Variants in TMEM14C observed in about 807,000 individuals in gnomAD.
TMEM14C encodes the protein transmembrane protein 14C.
A neutral mutation model predicts 14.8 loss-of-function variants in TMEM14C; 13 were observed. That is an observed-to-expected ratio of 0.88 (90% CI 0.57 to 1.40). TMEM14C has a LOEUF of 1.40. TMEM14C is among the 40% of genes most tolerant of loss of function. TMEM14C has a pLI of 0.00. For synonymous variants in TMEM14C, 57 were observed against 51.3 expected (o/e 1.11, Z -0.48); for missense variants, 142 against 138.8 (o/e 1.02, Z -0.12).
At chr6:10,727,304 G>T (rs908237408) in intron 4 of TMEM14C, among the ~76,000 whole-genome samples, 2 of 151,910 alleles carry the variant, frequency 1.3e-5, no homozygotes, top group African/African-American at 4.8e-5. Context: ...GTGGATCCCC[G>T]CATTGATATT....
intron 3 of TMEM14C, among the ~76,000 whole-genome samples, chr6:10,725,490 ATTC>A (rs1423615831): frequency 3.9e-5 from 6 of 151,920 alleles, no homozygotes; most frequent in Admixed American, 6.6e-5. Flanking sequence ...CTGCACCAGA[ATTC>A]TTCTTCTCCA....
chr6:10,725,183 G>C lies in TMEM14C; in HGVS notation c.97+146G>C. 3.2e-6 allele frequency: 3 copies of C among 946,080 alleles called. No homozygotes were observed. The South Asian group carries it at 4.4e-5, about 14-fold the overall frequency. 58.6% of individuals were successfully genotyped at this position (946,080 alleles called of 1,614,324 possible). ...GAGTGCAGGCTTCCTTGTCAGTCTTGCAGCTCCTGCCCTTGCCCTTTGGTT... is the reference window on the plus strand; with the variant it reads ...GAGTGCAGGCTTCCTTGTCAGTCTTCCAGCTCCTGCCCTTGCCCTTTGGTT... On this transcript the variant is annotated intron_variant, in intron 3 of 5. Transcript: ENST00000229563.
At chr6:10,730,550 C>T (rs1309151526) in intron 5 of TMEM14C, 65 bp from the exon 6 acceptor site, 3 of 1,538,874 alleles carry the variant, frequency 1.9e-6, no homozygotes, top group Non-Finnish European at 2.7e-6. Flanking sequence ...AGTTTAGTTC[C>T]TTAAAAACAT....
Position 10,724,845 on chromosome 6 carries a change from CCTT to C in TMEM14C, c.21-115_21-113del. 2.9e-6 allele frequency: 4 copies of C among 1,399,826 alleles called. No homozygotes were observed. In the South Asian group the frequency reaches 4.7e-5, roughly 16 times the overall value. The allele number at this position is 1,399,826 out of a possible 1,614,324, so 86.7% of individuals were successfully genotyped here. On this transcript the variant is annotated intron_variant, in intron 2 of 5. Transcript: ENST00000229563. ...CAGAAAGTCATCCAACCTCTGTGGT[CCTT>C]ATTTTCAGTGATAGGACCTGTGGGG... is the stretch of plus-strand genomic sequence containing the variant.
chr6:10,728,982 A>G (rs1326712994), intron 5 of TMEM14C: 6 of 758,922 alleles, frequency 7.9e-6, no homozygotes, highest in Non-Finnish European at 1.2e-5. Flanking sequence ...TCCTCCCTAT[A>G]TGGTGGCAGA....
intron 4 of TMEM14C, among the ~76,000 whole-genome samples, chr6:10,727,620 G>T (rs538724559): frequency 0.03 from 4,635 of 152,098 alleles, 260 homozygotes; most frequent in African/African-American, 0.11. Context: ...TCAGGAGTTT[G>T]AGACCACCGT....
intron 5 of TMEM14C, among the ~76,000 whole-genome samples, chr6:10,729,955 G>T (rs1410689055): frequency 6.6e-6 from 1 of 151,990 alleles, no homozygotes; most frequent in Admixed American, 6.6e-5. Flanking sequence ...AAAATTAGCC[G>T]GGCATGGTGG....
At chr6:10,724,455 G>A (rs775076366) in intron 1 of TMEM14C, 115 bp from the exon 2 acceptor site, 12 of 683,016 alleles carry the variant, frequency 1.8e-5, no homozygotes, top group Non-Finnish European at 2.9e-5. Context: ...TATCCTCATG[G>A]TACAGTGAAG....
At chr6:10,725,233 C>G (rs1770822707) in intron 3 of TMEM14C, among the ~76,000 whole-genome samples, 196 bp downstream of exon 3, 1 of 152,134 alleles carries the variant, frequency 6.6e-6, no homozygotes, top group South Asian at 2.1e-4. Context: ...AGCCAGGCCT[C>G]TTTTGGAATT....
At chr6:10,730,537 A>T (rs541720189) in intron 5 of TMEM14C, 78 bp from the exon 6 acceptor site, 1 of 1,417,602 alleles carries the variant, frequency 7.1e-7, no homozygotes, top group Admixed American at 1.8e-5. Flanking sequence ...GTGAGGAACC[A>T]GCAGTTTAGT....
intron 4 of TMEM14C, among the ~76,000 whole-genome samples, chr6:10,727,284 C>T (rs1770891046): frequency 1.3e-5 from 2 of 152,084 alleles, no homozygotes; most frequent in South Asian, 2.1e-4. Context: ...ATTTGTATTC[C>T]TCCTTTTAGG....
intron 4 of TMEM14C, among the ~76,000 whole-genome samples, chr6:10,727,497 C>G (rs976287396): frequency 6.6e-6 from 1 of 151,904 alleles, no homozygotes; most frequent in Admixed American, 6.6e-5. Context: ...CACCAACATG[C>G]CCGGCTAATT....
At chr6:10,729,788 CA>C (rs1770975383) in intron 5 of TMEM14C, among the ~76,000 whole-genome samples, 1 of 151,722 alleles carries the variant, frequency 6.6e-6, no homozygotes, top group Admixed American at 6.6e-5. Flanking sequence ...AAAAAACAAA[CA>C]AACAAACAAA....
chr6:10,723,731 C>T (rs1770765930), intron 1 of TMEM14C, among the ~76,000 whole-genome samples: 1 of 151,450 alleles, frequency 6.6e-6, no homozygotes, highest in Admixed American at 6.6e-5. Flanking sequence ...TCCCAAGTAG[C>T]TGGGATTTAC....
chr6:10,729,534 T>A (rs1480531323), intron 5 of TMEM14C, among the ~76,000 whole-genome samples: 2 of 152,150 alleles, frequency 1.3e-5, no homozygotes, highest in Non-Finnish European at 2.9e-5. Flanking sequence ...CCCAGCAATT[T>A]GGGAGGCAGA....
intron 5 of TMEM14C, 74 bp downstream of exon 5, chr6:10,728,801 A>T: frequency 6.2e-7 from 1 of 1,604,712 alleles, no homozygotes; most frequent in South Asian, 1.1e-5. Context: ...TGCATTCAAA[A>T]CCTTACTTGT....
chr6:10,724,867 TG>T, intron 2 of TMEM14C, 93 bp from the exon 3 acceptor site: 2 of 1,467,232 alleles, frequency 1.4e-6, no homozygotes, highest in Non-Finnish European at 1.9e-6. Flanking sequence ...TGATAGGACC[TG>T]TGGGGAATGA....
intron 3 of TMEM14C, among the ~76,000 whole-genome samples, chr6:10,725,687 C>T (rs1209483629): frequency 1.3e-5 from 2 of 152,006 alleles, no homozygotes; most frequent in African/African-American, 4.8e-5. Context: ...ATGGAAGTGC[C>T]CTGCCTATTA....
intron 5 of TMEM14C, among the ~76,000 whole-genome samples, chr6:10,729,014 C>G (rs186642882): frequency 6.6e-6 from 1 of 152,342 alleles, no homozygotes; most frequent in East Asian, 1.9e-4. Context: ...AAAGCCATGA[C>G]TGCAGCCTTT....
Sources: allele counts gnomAD v4.1 joint callset (sites outside exome capture counted in the v4.1 genomes callset), GRCh38; gene constraint gnomAD v4.1.1; transcripts MANE v1.5; gene names NCBI Gene and HGNC (gene_info 2026-07-23, HGNC 2026-07-21).